PCDHA12: variants seen among roughly 807,000 people sequenced by gnomAD.
The protein encoded by PCDHA12 is protocadherin alpha-12.
In PCDHA12, 44 loss-of-function variants were observed where a neutral mutation model predicts 60.0. The observed-to-expected ratio is 0.73, with a 90% CI of 0.58 to 0.94. The LOEUF is 0.94. Ranked by LOEUF, PCDHA12 falls within the 40% of genes least tolerant of loss-of-function variation. The probability of loss-of-function intolerance (pLI) is 0.00; values close to 1 mark genes in which losing one functional copy is unlikely to be tolerated. For synonymous variants in PCDHA12, 569 were observed against 553.0 expected (o/e 1.03, Z -0.40); for missense variants, 1,276 against 1,239.7 (o/e 1.03, Z -0.44).
At chr5:140,891,849 C>G (rs1446447359) in intron 1 of PCDHA12, among the ~76,000 whole-genome samples, 2 of 152,262 alleles carry the variant, frequency 1.3e-5, no homozygotes, top group African/African-American at 4.8e-5. Context: ...TGGAAGGAGC[C>G]TGTCCCTCTC....
intron 1 of PCDHA12, 36 bp downstream of exon 1, chr5:140,877,875 C>A: frequency 6.8e-7 from 1 of 1,475,090 alleles, no homozygotes; most frequent in Non-Finnish European, 9.0e-7. Context: ...TATTTGTTTC[C>A]TTGAAGAACT....
At chr5:140,947,192 C>G (rs958443362) in intron 1 of PCDHA12, among the ~76,000 whole-genome samples, 27 of 151,038 alleles carry the variant, frequency 1.8e-4, no homozygotes, top group African/African-American at 6.6e-4. Flanking sequence ...GTATACTACA[C>G]AGCCTTAAAA....
At chr5:140,982,711 A>T (rs370595783) in intron 3 of PCDHA12, 148 bp downstream of exon 3, 2 of 1,370,268 alleles carry the variant, frequency 1.5e-6, no homozygotes, top group African/African-American at 2.9e-5. Context: ...TTCCTTACAT[A>T]TATGATTATT....
chr5:140,882,555 G>A (rs1554174539), intron 1 of PCDHA12: 1 of 1,614,272 alleles, frequency 6.2e-7, no homozygotes, highest in Admixed American at 1.7e-5. Flanking sequence ...GAGGAGCTGT[G>A]TGGGCGGAGC....
intron 3 of PCDHA12, among the ~76,000 whole-genome samples, chr5:140,983,358 T>C (rs1374842008): frequency 6.6e-6 from 1 of 152,224 alleles, no homozygotes; most frequent in Non-Finnish European, 1.5e-5. Context: ...GTAATAGAAA[T>C]ATGGCTTTGG....
chr5:140,925,806 C>A (rs2082736423), intron 1 of PCDHA12, among the ~76,000 whole-genome samples: 1 of 152,148 alleles, frequency 6.6e-6, no homozygotes, highest in South Asian at 2.1e-4. Flanking sequence ...TTCCCCTCCA[C>A]TTCTCACGTC....
chr5:140,941,809 TAG>T (rs1477400878), intron 1 of PCDHA12, among the ~76,000 whole-genome samples: 5 of 152,254 alleles, frequency 3.3e-5, no homozygotes, highest in Non-Finnish European at 5.9e-5. Context: ...TTGATTTCAG[TAG>T]GATGACTGCT....
intron 1 of PCDHA12, among the ~76,000 whole-genome samples, chr5:140,910,952 G>A (rs1188072199): frequency 3.3e-5 from 5 of 152,082 alleles, no homozygotes; most frequent in African/African-American, 1.2e-4. Context: ...TTCTTTTCGA[G>A]TGTAGCACAC....
intron 1 of PCDHA12, among the ~76,000 whole-genome samples, chr5:140,938,922 T>G (rs2092267013): frequency 6.6e-6 from 1 of 151,926 alleles, no homozygotes; most frequent in Non-Finnish European, 1.5e-5. Flanking sequence ...CACAAGAAAT[T>G]GGCTTTTAAC....
intron 1 of PCDHA12, among the ~76,000 whole-genome samples, chr5:140,954,472 G>T (rs1031225118): frequency 8.5e-5 from 13 of 152,182 alleles, no homozygotes; most frequent in Admixed American, 6.5e-5. Context: ...TCTGACTGGT[G>T]TGAGAAGATA....
At chr5:140,938,190 C>T (rs2091964057) in intron 1 of PCDHA12, among the ~76,000 whole-genome samples, 1 of 152,212 alleles carries the variant, frequency 6.6e-6, no homozygotes. Flanking sequence ...AAGCAATCCT[C>T]CCACGCCAGC....
At chr5:140,970,139 A>G (rs1433151291) in intron 1 of PCDHA12, among the ~76,000 whole-genome samples, 3 of 152,124 alleles carry the variant, frequency 2.0e-5, no homozygotes, top group Non-Finnish European at 4.4e-5. Flanking sequence ...AGAAGGGAAA[A>G]AGAATTCTCC....
At chr5:140,981,849 T>C (rs1460050544) in intron 2 of PCDHA12, among the ~76,000 whole-genome samples, 2 of 152,202 alleles carry the variant, frequency 1.3e-5, no homozygotes, top group African/African-American at 4.8e-5. Flanking sequence ...AGTTTGTATC[T>C]CACTCCCAGC....
intron 1 of PCDHA12, among the ~76,000 whole-genome samples, chr5:140,896,682 C>A (rs573518532): frequency 6.6e-6 from 1 of 152,124 alleles, no homozygotes; most frequent in African/African-American, 2.4e-5. Flanking sequence ...CGGCCCTTTG[C>A]CCATTTTTTG....
intron 1 of PCDHA12, among the ~76,000 whole-genome samples, chr5:140,930,790 A>G (rs155822): frequency 0.047 from 7,177 of 152,302 alleles, 299 homozygotes; most frequent in African/African-American, 0.11. Context: ...ACAATATAAT[A>G]GAATCCAGCA....
At chr5:140,988,267 C>T (rs1204961254) in intron 3 of PCDHA12, among the ~76,000 whole-genome samples, 1 of 152,146 alleles carries the variant, frequency 6.6e-6, no homozygotes, top group Non-Finnish European at 1.5e-5. Flanking sequence ...GAGTATCCTT[C>T]GCTGTCACCT....
intron 1 of PCDHA12, among the ~76,000 whole-genome samples, chr5:140,919,229 C>T (rs1163633473): frequency 1.1e-4 from 17 of 152,144 alleles, no homozygotes; most frequent in African/African-American, 3.9e-4. Flanking sequence ...TTTCTAGTAA[C>T]ACTTTTTGTC....
At chr5:140,979,102 C>G in intron 2 of PCDHA12, 95 bp downstream of exon 2, 1 of 1,541,802 alleles carries the variant, frequency 6.5e-7, no homozygotes. Context: ...GCTGTCAAAA[C>G]TAAAAAGCTT....
intron 1 of PCDHA12, among the ~76,000 whole-genome samples, chr5:140,911,641 C>A (rs1403591383): frequency 6.6e-6 from 1 of 152,174 alleles, no homozygotes; most frequent in East Asian, 1.9e-4. Flanking sequence ...AAAGGTATTA[C>A]ATATAGAGTT....
Sources: allele counts gnomAD v4.1 joint callset (sites outside exome capture counted in the v4.1 genomes callset), GRCh38; gene constraint gnomAD v4.1.1; transcripts MANE v1.5; gene names NCBI Gene and HGNC (gene_info 2026-07-23, HGNC 2026-07-21).